The following PTPRT variants were observed in gnomAD, a reference collection of about 807,000 sequenced individuals.
PTPRT encodes the protein receptor-type tyrosine-protein phosphatase T.
A neutral mutation model predicts 176.8 loss-of-function variants in PTPRT; 56 were observed. That is an observed-to-expected ratio of 0.32 (90% CI 0.26 to 0.40). The LOEUF (loss-of-function observed/expected upper bound fraction) is 0.40. Ranked by LOEUF, PTPRT falls within the 10% of genes least tolerant of loss-of-function variation. The probability of loss-of-function intolerance (pLI) is 1.00; values close to 1 mark genes in which losing one functional copy is unlikely to be tolerated. For synonymous variants in PTPRT, 783 were observed against 739.0 expected (o/e 1.06, Z -0.96); for missense variants, 1,540 against 1,908.2 (o/e 0.81, Z 3.60).
At chr20:42,426,406 A>G (rs1227975791) in intron 9 of PTPRT, among the ~76,000 whole-genome samples, 1 of 152,084 alleles carries the variant, frequency 6.6e-6, no homozygotes, top group Non-Finnish European at 1.5e-5. Context: ...GGGGAAGGTC[A>G]TCTTCCCACT....
chr20:42,225,716 G>A (rs566281507), intron 15 of PTPRT, among the ~76,000 whole-genome samples: 1 of 152,174 alleles, frequency 6.6e-6, no homozygotes, highest in Non-Finnish European at 1.5e-5. Context: ...GCAGCTGCAC[G>A]ATCTTGGCTC....
At chr20:43,160,640 C>A (rs1380014456) in intron 1 of PTPRT, among the ~76,000 whole-genome samples, 1 of 152,070 alleles carries the variant, frequency 6.6e-6, no homozygotes, top group East Asian at 1.9e-4. Flanking sequence ...TACACTTACC[C>A]ACCCATGAAG....
At chr20:42,464,577 T>C (rs1432526765) in intron 8 of PTPRT, among the ~76,000 whole-genome samples, 3 of 152,188 alleles carry the variant, frequency 2.0e-5, no homozygotes, top group African/African-American at 4.8e-5. Context: ...GCCTAGTTCA[T>C]AGTGTGCACT....
At chr20:42,051,422 A>G in the PTPRT span, among the ~76,000 whole-genome samples, 1 of 152,210 alleles carries the variant, frequency 6.6e-6, no homozygotes, top group South Asian at 2.1e-4. Flanking sequence ...CAAGGAGGGA[A>G]AAGAATTGTG....
intron 1 of PTPRT, among the ~76,000 whole-genome samples, chr20:42,921,140 A>G (rs1030288572): frequency 4.6e-5 from 7 of 152,222 alleles, no homozygotes; most frequent in Admixed American, 2.0e-4. Context: ...TAGGGGGATG[A>G]CAAGCAGGGG....
Position 42,282,560 on chromosome 20 carries a change from G to T in PTPRT, c.2140-35C>A, listed in dbSNP as rs41303913. ...ACAAAAATGAGATGCCAATTAATTA[G>T]CTGTGAGTTATATAAAATTGTTATA... On this transcript the variant is annotated intron_variant, in intron 12 of 30. Transcript: ENST00000373187. 7,286 of 1,561,934 alleles carry T rather than the reference G, an allele frequency of 4.7e-3. 36 individuals carry two copies. The highest frequency in any genetic ancestry group is 4.5e-3 in the Non-Finnish European group (5,108 of 1,140,774).
intron 1 of PTPRT, among the ~76,000 whole-genome samples, chr20:43,051,604 T>G (rs1987042175): frequency 7.5e-6 from 1 of 133,520 alleles, no homozygotes. Context: ...TTATGGTCCT[T>G]CCAGCCACAC....
chr20:42,110,049 CTTT>C (rs747975893), intron 23 of PTPRT, among the ~76,000 whole-genome samples: 6 of 139,694 alleles, frequency 4.3e-5, no homozygotes, highest in Admixed American at 1.5e-4. Flanking sequence ...AGGACTTTTT[CTTT>C]TTTTTTTTTT....
Position 42,323,156 on chromosome 20 carries a change from T to C in PTPRT, c.1866-7160A>G, listed in dbSNP as rs185338475. Among the ~76,000 whole-genome samples, 432 of 152,362 alleles carry C rather than the reference T, an allele frequency of 2.8e-3. 3 individuals carry two copies. The highest frequency in any genetic ancestry group is 0.024 in the Admixed American group (361 of 15,308). ...GAGAAATAGGAACACTTTTACACTG[T>C]TGGTGGGACTGTAATCCAGTTCAAC... On this transcript the variant is annotated intron_variant, in intron 11 of 30. Coordinates refer to ENST00000373187, the MANE Select transcript of PTPRT (RefSeq NM_007050.6).
chr20:43,020,702 T>G (rs1415243824), intron 1 of PTPRT, among the ~76,000 whole-genome samples: 1 of 152,170 alleles, frequency 6.6e-6, no homozygotes, highest in Non-Finnish European at 1.5e-5. Context: ...TGACATGCAT[T>G]TATTTGTAAT....
intron 9 of PTPRT, 33 bp from the exon 10 acceptor site, chr20:42,352,318 T>C (rs2145526326): frequency 6.2e-7 from 1 of 1,607,152 alleles, no homozygotes; most frequent in Non-Finnish European, 8.5e-7. Flanking sequence ...AACAAACAAA[T>C]AAATGCCTCA....
At chr20:42,307,591 C>T (rs971793580) in intron 12 of PTPRT, among the ~76,000 whole-genome samples, 5 of 152,012 alleles carry the variant, frequency 3.3e-5, no homozygotes, top group African/African-American at 4.8e-5. Context: ...TAAGGACATG[C>T]GAACAGTCAC....
intron 1 of PTPRT, among the ~76,000 whole-genome samples, chr20:43,130,587 T>C (rs1217668726): frequency 1.3e-5 from 2 of 152,090 alleles, no homozygotes; most frequent in Non-Finnish European, 2.9e-5. Context: ...AAAAAGGAAC[T>C]TATTTTTTAC....
At chr20:42,240,279 C>G (rs2056326722) in intron 14 of PTPRT, among the ~76,000 whole-genome samples, 1 of 152,146 alleles carries the variant, frequency 6.6e-6, no homozygotes, top group Non-Finnish European at 1.5e-5. Context: ...TCTTCTAGGT[C>G]AAGTATCACA....
chr20:42,648,202 GA>G lies in PTPRT; in HGVS notation c.1153+29663del, dbSNP rs375638614. On this transcript the variant is annotated intron_variant, in intron 7 of 30. Coordinates refer to ENST00000373187, the MANE Select transcript of PTPRT (RefSeq NM_007050.6). ...CATATTGAAGACAAATGCATCCAAG[GA>G]AAAAATGGCTCAAGAAGAACAGACT... is the stretch of plus-strand genomic sequence containing the variant. Among the ~76,000 whole-genome samples the G allele has an allele frequency of 2.4e-3, 365 of 152,120 alleles. 2 individuals carry two copies. Among genetic ancestry groups the G allele is most frequent in the East Asian group, 9.3e-3 (48 of 5,168 alleles).
intron 2 of PTPRT, among the ~76,000 whole-genome samples, chr20:42,813,748 A>T (rs10485697): frequency 0.1 from 15,470 of 152,058 alleles, 834 homozygotes; most frequent in South Asian, 0.21. Context: ...ATCTAAGGTG[A>T]TATTTGGTCA....
At chr20:42,891,958 C>T (rs1568664236) in intron 1 of PTPRT, among the ~76,000 whole-genome samples, 1 of 152,214 alleles carries the variant, frequency 6.6e-6, no homozygotes, top group Non-Finnish European at 1.5e-5. Flanking sequence ...CTCAGTTCTA[C>T]CACTGCAGTG....
chr20:42,632,620 T>G (rs1487185551), intron 7 of PTPRT, among the ~76,000 whole-genome samples: 2 of 150,624 alleles, frequency 1.3e-5, no homozygotes, highest in Non-Finnish European at 3.0e-5. Context: ...TTTTACTGTA[T>G]TACTAATTTT....
chr20:42,879,772 T>TGC (rs2078988503), intron 2 of PTPRT, among the ~76,000 whole-genome samples: 1 of 151,984 alleles, frequency 6.6e-6, no homozygotes, highest in Non-Finnish European at 1.5e-5. Flanking sequence ...TGTGTGTGTG[T>TGC]GCATGTGCAT....
Sources: allele counts gnomAD v4.1 joint callset (sites outside exome capture counted in the v4.1 genomes callset), GRCh38; gene constraint gnomAD v4.1.1; transcripts MANE v1.5; gene names NCBI Gene and HGNC (gene_info 2026-07-23, HGNC 2026-07-21).